ANKRD27: variants seen among roughly 807,000 people sequenced by gnomAD.
ANKRD27 encodes the protein ankyrin repeat domain-containing protein 27.
ANKRD27 carries 112 observed loss-of-function variants against 129.7 expected under a neutral mutation model. The ratio of observed to expected loss-of-function variants is 0.86; its 90% CI spans 0.74 to 1.01. The LOEUF is 1.01. ANKRD27 is among the 50% of genes least tolerant of loss of function. The pLI, the probability that ANKRD27 is intolerant of heterozygous loss-of-function variation, is 0.00. For synonymous variants in ANKRD27, 516 were observed against 511.2 expected (o/e 1.01, Z -0.13); for missense variants, 1,258 against 1,300.5 (o/e 0.97, Z 0.50).
At chr19:32,598,524 C>T (rs893623286) in intron 28 of ANKRD27, 146 bp from the exon 29 acceptor site, 11 of 709,298 alleles carry the variant, frequency 1.6e-5, no homozygotes, top group South Asian at 1.7e-5. Context: ...ACATCCCTGT[C>T]GTGGTAACAT....
chr19:32,646,977 C>G (rs1967316032), intron 3 of ANKRD27, among the ~76,000 whole-genome samples: 1 of 152,094 alleles, frequency 6.6e-6, no homozygotes, highest in Admixed American at 6.6e-5. Flanking sequence ...AGGCACCCAC[C>G]ACCACACCCA....
At chr19:32,602,194 T>C (rs1971663968) in intron 25 of ANKRD27, 68 bp from the exon 26 acceptor site, 2 of 1,019,624 alleles carry the variant, frequency 2.0e-6, no homozygotes, top group Non-Finnish European at 1.5e-6. Context: ...TATTTGTTTT[T>C]GATCTAAATG....
chr19:32,599,836 G>A, intron 27 of ANKRD27, 60 bp from the exon 28 acceptor site: 2 of 1,579,752 alleles, frequency 1.3e-6, no homozygotes, highest in Non-Finnish European at 1.7e-6. Context: ...CACTCTGGTT[G>A]GCCACAAGGT....
intron 10 of ANKRD27, among the ~76,000 whole-genome samples, chr19:32,641,406 C>T (rs1967198311): frequency 6.6e-6 from 1 of 152,078 alleles, no homozygotes; most frequent in Non-Finnish European, 1.5e-5. Flanking sequence ...ACATGGAGTC[C>T]ACTGCCCATG....
intron 2 of ANKRD27, among the ~76,000 whole-genome samples, chr19:32,653,818 C>CACGGAG (rs1967468058): frequency 2.0e-5 from 3 of 152,208 alleles, no homozygotes; most frequent in Non-Finnish European, 2.9e-5. Context: ...TGCAGGGCCA[C>CACGGAG]ATGGAGATGA....
chr19:32,663,228 G>A (rs1443418765), intron 1 of ANKRD27, among the ~76,000 whole-genome samples: 1 of 152,132 alleles, frequency 6.6e-6, no homozygotes, highest in South Asian at 2.1e-4. Context: ...GGCCTAGGTG[G>A]CCCAGCAAGC....
intron 21 of ANKRD27, among the ~76,000 whole-genome samples, chr19:32,616,652 T>C (rs1206442513): frequency 6.6e-6 from 1 of 151,986 alleles, no homozygotes; most frequent in Non-Finnish European, 1.5e-5. Flanking sequence ...GTCTCCAATG[T>C]CCACTCATTT....
chr19:32,640,235 T>G, intron 11 of ANKRD27, 72 bp downstream of exon 11: 3 of 1,268,506 alleles, frequency 2.4e-6, no homozygotes, highest in Non-Finnish European at 3.4e-6. Flanking sequence ...AGTGCTGGGA[T>G]TACAGGCGTG....
intron 1 of ANKRD27, among the ~76,000 whole-genome samples, chr19:32,664,404 C>A (rs1002679306): frequency 6.6e-6 from 1 of 151,678 alleles, no homozygotes; most frequent in African/African-American, 2.4e-5. Flanking sequence ...GGGTGGATCA[C>A]CTGAGGTCAG....
intron 2 of ANKRD27, among the ~76,000 whole-genome samples, chr19:32,650,672 T>C (rs1172411741): frequency 6.8e-6 from 1 of 147,820 alleles, no homozygotes; most frequent in Non-Finnish European, 1.5e-5. Context: ...AGCAAGACTC[T>C]GTCTTTAAAA....
At chr19:32,630,337 C>T (rs7245636) in intron 13 of ANKRD27, among the ~76,000 whole-genome samples, 9,135 of 152,312 alleles carry the variant, frequency 0.06, 939 homozygotes, top group African/African-American at 0.21. Flanking sequence ...GACTGCCCTG[C>T]GGGCACCTCA....
At chr19:32,629,426 G>A (rs569994566) in intron 13 of ANKRD27, among the ~76,000 whole-genome samples, 1 of 152,206 alleles carries the variant, frequency 6.6e-6, no homozygotes, top group African/African-American at 2.4e-5. Flanking sequence ...CATGCCTGGA[G>A]CGGTGGCTCA....
At chr19:32,641,996 T>A (rs1339012746) in intron 10 of ANKRD27, 28 bp downstream of exon 10, 11 of 1,550,488 alleles carry the variant, frequency 7.1e-6, no homozygotes, top group African/African-American at 5.5e-5. Context: ...CATCTACCCC[T>A]TGGCCAGTCC....
chr19:32,605,441 T>C (rs576281758), intron 24 of ANKRD27, among the ~76,000 whole-genome samples: 2 of 152,292 alleles, frequency 1.3e-5, no homozygotes, highest in Admixed American at 6.5e-5. Context: ...TTCCCTTGAG[T>C]AGCACAGTCA....
At chr19:32,629,898 G>T (rs114071805) in intron 13 of ANKRD27, among the ~76,000 whole-genome samples, 2 of 121,890 alleles carry the variant, frequency 1.6e-5, no homozygotes, top group Non-Finnish European at 3.4e-5. Flanking sequence ...ACAAATAACA[G>T]AATTTATTTA....
At chr19:32,650,572 A>AG (rs1344614301) in intron 2 of ANKRD27, among the ~76,000 whole-genome samples, 1 of 151,858 alleles carries the variant, frequency 6.6e-6, no homozygotes, top group Non-Finnish European at 1.5e-5. Context: ...CTGTAATCCC[A>AG]GCTACTCGGG....
chr19:32,615,910 T>A, intron 21 of ANKRD27, 130 bp from the exon 22 acceptor site: 2 of 1,311,056 alleles, frequency 1.5e-6, no homozygotes, highest in South Asian at 1.5e-5. Flanking sequence ...CAGCCATTTA[T>A]AACCGGCTTC....
At chr19:32,663,452 A>G (rs1022818126) in intron 1 of ANKRD27, among the ~76,000 whole-genome samples, 1 of 152,260 alleles carries the variant, frequency 6.6e-6, no homozygotes, top group Admixed American at 6.5e-5. Context: ...TGATTTCTAA[A>G]AAGAGTAAAG....
chr19:32,665,130 C>A (rs1227079960), intron 1 of ANKRD27, among the ~76,000 whole-genome samples: 1 of 151,992 alleles, frequency 6.6e-6, no homozygotes, highest in Non-Finnish European at 1.5e-5. Flanking sequence ...ACTACAGCTT[C>A]ATAATAAGCC....
Sources: allele counts gnomAD v4.1 joint callset (sites outside exome capture counted in the v4.1 genomes callset), GRCh38; gene constraint gnomAD v4.1.1; transcripts MANE v1.5; gene names NCBI Gene and HGNC (gene_info 2026-07-23, HGNC 2026-07-21).